Variants in LARGE1 observed in about 807,000 individuals in gnomAD.
LARGE1 encodes the protein xylosyl- and glucuronyltransferase LARGE1.
LARGE1 carries 43 observed loss-of-function variants against 87.6 expected under a neutral mutation model. The observed-to-expected ratio is 0.49, with a 90% CI of 0.38 to 0.63. The LOEUF is 0.63. Ranked by LOEUF, LARGE1 falls within the 30% of genes least tolerant of loss-of-function variation. The pLI, the probability that LARGE1 is intolerant of heterozygous loss-of-function variation, is 0.00. For synonymous variants in LARGE1, 434 were observed against 394.6 expected (o/e 1.10, Z -1.18); for missense variants, 802 against 1,000.2 (o/e 0.80, Z 2.67).
At chr22:33,921,442 C>T (rs1569036588), upstream of LARGE1, among the ~76,000 whole-genome samples, 1 of 152,118 alleles carries the variant, frequency 6.6e-6, no homozygotes, top group Non-Finnish European at 1.5e-5. This position sits in a 1 kb window ranked among gnomAD's most constrained non-coding sequence, Gnocchi z 4.1. Context: ...CAGGACCATG[C>T]AGCCTGCTCC....
intron 5 of LARGE1, among the ~76,000 whole-genome samples, chr22:33,601,270 C>G (rs1205581333): frequency 6.6e-6 from 1 of 152,146 alleles, no homozygotes; most frequent in South Asian, 2.1e-4. Context: ...TGCCATTGTG[C>G]TGGGGAAAGA....
intron 2 of LARGE1, among the ~76,000 whole-genome samples, chr22:33,697,305 C>T (rs536609043): frequency 7.7e-4 from 117 of 152,240 alleles, no homozygotes; most frequent in African/African-American, 2.8e-3. Flanking sequence ...GGAGCAGCCA[C>T]CCCATGGCTT....
chr22:33,351,782 C>A (rs1463227646), intron 9 of LARGE1, among the ~76,000 whole-genome samples: 2 of 151,652 alleles, frequency 1.3e-5, no homozygotes, highest in African/African-American at 4.8e-5. Flanking sequence ...GACAGAGTCA[C>A]CCAGGCTGGT....
intron 7 of LARGE1, among the ~76,000 whole-genome samples, chr22:33,420,513 C>T (rs2066653655): frequency 6.6e-6 from 1 of 152,178 alleles, no homozygotes; most frequent in African/African-American, 2.4e-5. Flanking sequence ...GAGAGGCTCA[C>T]ATTTAAATAG....
intron 7 of LARGE1, among the ~76,000 whole-genome samples, chr22:33,395,084 C>T (rs539394600): frequency 2.4e-4 from 37 of 152,140 alleles, no homozygotes; most frequent in African/African-American, 7.0e-4. Flanking sequence ...AAAAAATTAG[C>T]CGGGCGTGGT....
chr22:33,677,288 TAAAAAA>T (rs779032764), intron 2 of LARGE1, among the ~76,000 whole-genome samples: 1 of 110,176 alleles, frequency 9.1e-6, no homozygotes, highest in Non-Finnish European at 2.0e-5. Context: ...TTTCAGGAGT[TAAAAAA>T]AAAAAAAAAA....
chr22:33,860,199 C>G (rs1271278029), intron 1 of LARGE1, among the ~76,000 whole-genome samples: 2 of 151,768 alleles, frequency 1.3e-5, no homozygotes, highest in African/African-American at 2.4e-5. Context: ...ACTATGTTGC[C>G]CAGACTGCTC....
At chr22:33,701,882 A>G (rs1410323375) in intron 2 of LARGE1, among the ~76,000 whole-genome samples, 1 of 152,232 alleles carries the variant, frequency 6.6e-6, no homozygotes, top group African/African-American at 2.4e-5. Flanking sequence ...AGGGGAGGGC[A>G]CAATGAAGTA....
At chr22:33,122,387 T>C in the LARGE1 span, among the ~76,000 whole-genome samples, 1 of 150,202 alleles carries the variant, frequency 6.7e-6, no homozygotes, top group East Asian at 1.9e-4. Context: ...AGACTGAGTT[T>C]CACTCTTGTC....
chr22:33,413,465 T>TATC (rs1240316241), intron 7 of LARGE1, among the ~76,000 whole-genome samples: 1 of 151,590 alleles, frequency 6.6e-6, no homozygotes, highest in African/African-American at 2.4e-5. Context: ...TATTTTATTT[T>TATC]ATTATTATTA....
chr22:33,093,879 G>C, the LARGE1 span, among the ~76,000 whole-genome samples: 2 of 132,764 alleles, frequency 1.5e-5, no homozygotes, highest in East Asian at 4.3e-4. Context: ...CCAGGCTGGA[G>C]TGCAATGGTG....
At chr22:33,319,659 G>A (rs1406870432) in intron 10 of LARGE1, among the ~76,000 whole-genome samples, 1 of 152,182 alleles carries the variant, frequency 6.6e-6, no homozygotes, top group Non-Finnish European at 1.5e-5. Flanking sequence ...CCCTCCCAAA[G>A]TGTTGAGATT....
intron 2 of LARGE1, among the ~76,000 whole-genome samples, chr22:33,656,575 T>A (rs2080966901): frequency 1.3e-5 from 2 of 152,180 alleles, no homozygotes; most frequent in Admixed American, 1.3e-4. Flanking sequence ...AAGGCAGAAG[T>A]GGATAGAATC....
rs35018256 is a variant in LARGE1, at chr22:33,416,906, C to CTTTTTTTTTTTTTTT, written c.892+15240_892+15254dup. On this transcript the variant is annotated intron_variant, in intron 7 of 14. Transcript: ENST00000397394. ...ACAGGTGTGAGGCACCACGCCCGGA[C>CTTTTTTTTTTTTTTT]TTTTTTTTTTTTTTTTTTTGAGACA... Among the ~76,000 whole-genome samples the CTTTTTTTTTTTTTTT allele has an allele frequency of 3.6e-3, 324 of 90,122 alleles. 17 individuals are homozygous for CTTTTTTTTTTTTTTT. Among genetic ancestry groups the CTTTTTTTTTTTTTTT allele is most frequent in the Middle Eastern group, 0.01 (1 of 98 alleles). 59.1% of individuals were successfully genotyped at this position (90,122 alleles called of 152,430 possible).
chr22:33,277,561 T>C (rs1929582255), intron 13 of LARGE1, among the ~76,000 whole-genome samples: 1 of 152,152 alleles, frequency 6.6e-6, no homozygotes, highest in Non-Finnish European at 1.5e-5. Context: ...ACAGCAAGAA[T>C]ACCATGTATA....
At chr22:33,564,823 G>GA (rs747223084) in intron 6 of LARGE1, 25 bp downstream of exon 6, 7 of 1,613,566 alleles carry the variant, frequency 4.3e-6, no homozygotes, top group African/African-American at 4.0e-5. Flanking sequence ...GGATATCGGG[G>GA]AAAAAACGAA....
At chr22:33,416,079 G>T (rs1387091610) in intron 7 of LARGE1, among the ~76,000 whole-genome samples, 1 of 151,666 alleles carries the variant, frequency 6.6e-6, no homozygotes, top group Non-Finnish European at 1.5e-5. Flanking sequence ...CCAATCTCGT[G>T]AGTCTACACT....
intron 6 of LARGE1, among the ~76,000 whole-genome samples, chr22:33,435,412 A>G (rs1336087750): frequency 6.6e-6 from 1 of 152,196 alleles, no homozygotes; most frequent in African/African-American, 2.4e-5. Context: ...CATTATTCCA[A>G]GGGCAAGATA....
intron 6 of LARGE1, among the ~76,000 whole-genome samples, chr22:33,545,152 C>T (rs1232084323): frequency 1.3e-5 from 2 of 152,126 alleles, no homozygotes; most frequent in Non-Finnish European, 2.9e-5. Flanking sequence ...CACTCTAAAT[C>T]TGCGCTTCCT....
Sources: allele counts gnomAD v4.1 joint callset (sites outside exome capture counted in the v4.1 genomes callset), GRCh38; gene constraint gnomAD v4.1.1; non-coding constraint Gnocchi (gnomAD v3.1); transcripts MANE v1.5; gene names NCBI Gene and HGNC (gene_info 2026-07-23, HGNC 2026-07-21).